The following LIPC variants were observed in gnomAD, a reference collection of about 807,000 sequenced individuals.
LIPC encodes lipase C, hepatic type.
In LIPC, 44 loss-of-function variants were observed where a neutral mutation model predicts 50.7. That is an observed-to-expected ratio of 0.87 (90% CI 0.68 to 1.11). The LOEUF (loss-of-function observed/expected upper bound fraction) is 1.11. Ranked by LOEUF, LIPC falls within the 50% of genes most tolerant of loss-of-function variation. LIPC has a pLI of 0.00. For missense variants in LIPC, 697 were observed against 648.2 expected (o/e 1.08, Z -0.82); for synonymous variants, 271 against 256.4 (o/e 1.06, Z -0.54).
intron 1 of LIPC, among the ~76,000 whole-genome samples, chr15:58,466,036 G>A (rs192215781): frequency 1.4e-3 from 214 of 152,322 alleles, no homozygotes; most frequent in Non-Finnish European, 2.5e-3. Flanking sequence ...AAAACCAACA[G>A]ATGTTTGGGC....
At position 58,488,426 on chromosome 15, in the gene LIPC, T is replaced by G. The variant is rs377167541; in HGVS notation, c.89-49907T>G. On this transcript the variant is annotated intron_variant, in intron 1 of 8. Coordinates refer to ENST00000299022, the MANE Select transcript of LIPC (RefSeq NM_000236.3). The stretch of plus-strand genomic sequence containing the variant: ...CTAACAGCTATGTATCAATCCCTGT[T>G]AGGCACTAGGCACTGTGCTAGGTGT... Among the ~76,000 whole-genome samples, 29 of 152,354 alleles carry G rather than the reference T, an allele frequency of 1.9e-4. No homozygotes were observed. The East Asian group carries it at 4.8e-3, about 25-fold the overall frequency.
chr15:58,490,007 G>GA (rs71425806), intron 1 of LIPC, among the ~76,000 whole-genome samples: 1 of 151,820 alleles, frequency 6.6e-6, no homozygotes, highest in Non-Finnish European at 1.5e-5. Context: ...GTGGGGAAAA[G>GA]AAAAAAACAG....
intron 1 of LIPC, among the ~76,000 whole-genome samples, chr15:58,481,883 C>G (rs1306525448): frequency 1.3e-5 from 2 of 152,148 alleles, no homozygotes; most frequent in African/African-American, 4.8e-5. Flanking sequence ...AAGGTGCCAA[C>G]CAGTATGCAT....
At chr15:58,545,637 T>C (rs1893496830) in intron 4 of LIPC, 105 bp from the exon 5 acceptor site, 1 of 963,256 alleles carries the variant, frequency 1.0e-6, no homozygotes, top group African/African-American at 1.6e-5. Context: ...GTGTTTCTTC[T>C]TCCTGCTAGT....
At chr15:58,513,075 C>T (rs191340713) in intron 1 of LIPC, among the ~76,000 whole-genome samples, 223 of 152,294 alleles carry the variant, frequency 1.5e-3, no homozygotes, top group African/African-American at 4.5e-3. Flanking sequence ...CGACCTTTCT[C>T]AGGCATCCTG....
chr15:58,434,523 T>C (rs192220957), intron 1 of LIPC, among the ~76,000 whole-genome samples: 3 of 152,288 alleles, frequency 2.0e-5, no homozygotes, highest in Non-Finnish European at 4.4e-5. Flanking sequence ...CCTCAATCTG[T>C]CTACTGAGGC....
intron 4 of LIPC, among the ~76,000 whole-genome samples, chr15:58,545,537 A>C (rs1291479816): frequency 6.6e-6 from 1 of 152,236 alleles, no homozygotes; most frequent in African/African-American, 2.4e-5. Flanking sequence ...GCTAATGCCC[A>C]GCCTGTGTGT....
At chr15:58,506,988 G>T (rs141438044) in intron 1 of LIPC, among the ~76,000 whole-genome samples, 1 of 152,300 alleles carries the variant, frequency 6.6e-6, no homozygotes, top group Non-Finnish European at 1.5e-5. Context: ...CCAGCGAAGG[G>T]GTAGGGGAAG....
chr15:58,513,052 C>G (rs370393609), intron 1 of LIPC, among the ~76,000 whole-genome samples: 3 of 152,264 alleles, frequency 2.0e-5, no homozygotes, highest in African/African-American at 7.2e-5. Flanking sequence ...GATGTTTCAT[C>G]CCAAAGGACG....
chr15:58,493,754 A>C (rs983682256), intron 1 of LIPC, among the ~76,000 whole-genome samples: 1 of 148,568 alleles, frequency 6.7e-6, no homozygotes, highest in Non-Finnish European at 1.5e-5. Flanking sequence ...TAATATATCT[A>C]TAATATTTAT....
intron 8 of LIPC, among the ~76,000 whole-genome samples, chr15:58,564,596 G>A (rs558883536): frequency 7.9e-5 from 12 of 151,920 alleles, no homozygotes; most frequent in East Asian, 1.9e-4. Context: ...GCGTGGTGGC[G>A]CACAATGGTA....
chr15:58,439,154 G>A (rs1340174082), intron 1 of LIPC, among the ~76,000 whole-genome samples: 2 of 152,158 alleles, frequency 1.3e-5, no homozygotes, highest in African/African-American at 4.8e-5. Context: ...TGAAGAGCAG[G>A]CCTCATTGTG....
chr15:58,507,920 G>T (rs1423255767), intron 1 of LIPC, among the ~76,000 whole-genome samples: 1 of 152,152 alleles, frequency 6.6e-6, no homozygotes, highest in African/African-American at 2.4e-5. Context: ...GTGGACTTGG[G>T]GAACTTACAA....
intron 1 of LIPC, among the ~76,000 whole-genome samples, chr15:58,514,380 G>A (rs1197649804): frequency 6.6e-6 from 1 of 152,152 alleles, no homozygotes; most frequent in Non-Finnish European, 1.5e-5. Flanking sequence ...GTAGTATTTG[G>A]TATTATAAGG....
intron 1 of LIPC, among the ~76,000 whole-genome samples, chr15:58,513,165 T>C (rs1212837221): frequency 6.6e-6 from 1 of 152,198 alleles, no homozygotes; most frequent in Non-Finnish European, 1.5e-5. Context: ...GTTCATTTAA[T>C]GGAAGCTTAA....
At chr15:58,500,252 T>A (rs144720392) in intron 1 of LIPC, among the ~76,000 whole-genome samples, 2 of 152,142 alleles carry the variant, frequency 1.3e-5, no homozygotes, top group Non-Finnish European at 1.5e-5. Flanking sequence ...GAGGCTCAGT[T>A]TCCTCGTAGG....
At chr15:58,503,338 C>A (rs1410117174) in intron 1 of LIPC, among the ~76,000 whole-genome samples, 1 of 152,120 alleles carries the variant, frequency 6.6e-6, no homozygotes, top group Admixed American at 6.5e-5. Flanking sequence ...CATTCAGAGG[C>A]TGGAGAAGGA....
intron 1 of LIPC, chr15:58,454,220 T>C (rs1453840028): frequency 6.6e-6 from 1 of 152,180 alleles, no homozygotes; most frequent in African/African-American, 2.4e-5. Flanking sequence ...ACCAGAGAAA[T>C]AGCTTGTCTC....
chr15:58,543,509 C>T (rs1469269888), intron 4 of LIPC, among the ~76,000 whole-genome samples: 1 of 152,220 alleles, frequency 6.6e-6, no homozygotes, highest in East Asian at 1.9e-4. Flanking sequence ...TTGCCCACCA[C>T]TCAGCCACTC....
Sources: gnomAD v4.1 joint callset for allele counts (sites outside exome capture counted in the v4.1 genomes callset) on GRCh38, gnomAD v4.1.1 for gene constraint, MANE v1.5 for transcripts, NCBI Gene and HGNC (gene_info 2026-07-23, HGNC 2026-07-21) for gene names.